DPP10: variants seen among roughly 807,000 people sequenced by gnomAD.
DPP10 encodes dipeptidyl peptidase like 10.
In DPP10, 33 loss-of-function variants were observed where a neutral mutation model predicts 120.9. The observed-to-expected ratio is 0.27, with a 90% CI of 0.21 to 0.37. DPP10 has a LOEUF of 0.37. Among genes scored for constraint, DPP10 ranks in the 10% least tolerant of loss-of-function variants. The pLI, the probability that DPP10 is intolerant of heterozygous loss-of-function variation, is 1.00. For synonymous variants in DPP10, 337 were observed against 326.1 expected (o/e 1.03, Z -0.36); for missense variants, 816 against 942.8 (o/e 0.87, Z 1.76).
chr2:115,478,857 C>T (rs1226426184), intron 3 of DPP10, among the ~76,000 whole-genome samples: 1 of 152,148 alleles, frequency 6.6e-6, no homozygotes, highest in African/African-American at 2.4e-5. Flanking sequence ...TTTGATACCA[C>T]ATCACATTCA....
chr2:114,607,856 A>T (rs1373209015), intron 1 of DPP10, among the ~76,000 whole-genome samples: 1 of 152,236 alleles, frequency 6.6e-6, no homozygotes, highest in African/African-American at 2.4e-5. Context: ...CCACCGCACC[A>T]ACCCCAAACT....
intron 1 of DPP10, among the ~76,000 whole-genome samples, chr2:114,993,964 T>A (rs745579836): frequency 4.2e-4 from 64 of 152,160 alleles, no homozygotes; most frequent in Non-Finnish European, 8.1e-4. Context: ...CGAGTAATGC[T>A]CCCTAATCCT....
rs536762668 is a variant in DPP10 at position 114,957,567 on chromosome 2, A to G, written c.61-351672A>G. Among the ~76,000 whole-genome samples the G allele has an allele frequency of 4.6e-5, 7 of 152,300 alleles. No individual in the cohort carries two copies. In the South Asian group the frequency reaches 1.5e-3, roughly 32 times the overall value. The stretch of plus-strand genomic sequence containing the variant: ...TCAATAAACTAAAAATAGAGCCACC[A>G]TATGATCCAGCCATTTCACCTCTGG... On this transcript the variant is annotated intron_variant, in intron 1 of 25. Transcript: ENST00000410059.
At chr2:114,566,334 C>T (rs1200611140) in intron 1 of DPP10, among the ~76,000 whole-genome samples, 1 of 151,986 alleles carries the variant, frequency 6.6e-6, no homozygotes, top group African/African-American at 2.4e-5. Flanking sequence ...GGCATTATCA[C>T]AGAAAAAGAA....
At chr2:114,699,393 C>T (rs1214956846) in intron 1 of DPP10, among the ~76,000 whole-genome samples, 1 of 152,050 alleles carries the variant, frequency 6.6e-6, no homozygotes, top group Non-Finnish European at 1.5e-5. Context: ...GAAATGTGGG[C>T]ACTTAAGAGA....
At chr2:114,671,164 G>A (rs1329000065) in intron 1 of DPP10, among the ~76,000 whole-genome samples, 1 of 152,114 alleles carries the variant, frequency 6.6e-6, no homozygotes, top group Non-Finnish European at 1.5e-5. Flanking sequence ...CAGTTGGGAA[G>A]AATGTTTTAA....
intron 1 of DPP10, among the ~76,000 whole-genome samples, chr2:114,669,581 A>T (rs797022570): frequency 3.9e-5 from 6 of 152,260 alleles, no homozygotes; most frequent in African/African-American, 1.2e-4. Context: ...AGCAATTTTC[A>T]TGTAAATAAT....
intron 5 of DPP10, among the ~76,000 whole-genome samples, chr2:115,643,866 A>G (rs1473123570): frequency 6.6e-6 from 1 of 152,174 alleles, no homozygotes; most frequent in African/African-American, 2.4e-5. Context: ...AAATCAAACC[A>G]TTGTCTAAAC....
At chr2:114,714,051 G>A (rs1701199416) in intron 1 of DPP10, among the ~76,000 whole-genome samples, 1 of 148,072 alleles carries the variant, frequency 6.8e-6, no homozygotes, top group African/African-American at 2.5e-5. Context: ...CTTTGCATGT[G>A]TTCCTGAGTG....
Position 115,077,466 on chromosome 2 carries a change from A to G in DPP10, c.61-231773A>G, listed in dbSNP as rs551041681. Among the ~76,000 whole-genome samples, 12 of 152,284 alleles carry G rather than the reference A, an allele frequency of 7.9e-5. No individual in the cohort carries two copies. The East Asian group carries it at 2.3e-3, about 29-fold the overall frequency. On this transcript the variant is annotated intron_variant, in intron 1 of 25. Coordinates refer to ENST00000410059, the MANE Select transcript of DPP10 (RefSeq NM_020868.6). ...AACTGGAAAATTAGTCAAAATAGCA[A>G]ATAATTATGTAGCTTCTTCCATCCC...
intron 2 of DPP10, among the ~76,000 whole-genome samples, chr2:115,337,666 A>G (rs2063222919): frequency 6.7e-6 from 1 of 148,510 alleles, no homozygotes; most frequent in South Asian, 2.1e-4. Flanking sequence ...GCTCATAAAA[A>G]AAAAAAAAAA....
At chr2:114,443,647 G>A (rs1677781361) in intron 1 of DPP10, among the ~76,000 whole-genome samples, 1 of 151,034 alleles carries the variant, frequency 6.6e-6, no homozygotes. Context: ...TTATCTATGT[G>A]GATATTTTGC....
At chr2:115,719,163 T>C (rs778345921) in intron 7 of DPP10, among the ~76,000 whole-genome samples, 87 of 152,194 alleles carry the variant, frequency 5.7e-4, no homozygotes, top group Non-Finnish European at 3.8e-4. Flanking sequence ...GAGTTGGTCT[T>C]TTTGCTAACT....
intron 1 of DPP10, among the ~76,000 whole-genome samples, chr2:114,488,871 G>A (rs62173069): frequency 0.023 from 3,557 of 152,188 alleles, 76 homozygotes; most frequent in Non-Finnish European, 0.027. Context: ...TTTATCAGAT[G>A]GTAAAGCTTG....
chr2:115,073,609 C>A (rs1707549726), intron 1 of DPP10, among the ~76,000 whole-genome samples: 1 of 152,222 alleles, frequency 6.6e-6, no homozygotes, highest in South Asian at 2.1e-4. Flanking sequence ...GAGAAAACAG[C>A]CTGTCTAGAA....
At chr2:115,734,032 C>A (rs1490167586) in intron 8 of DPP10, among the ~76,000 whole-genome samples, 1 of 152,138 alleles carries the variant, frequency 6.6e-6, no homozygotes, top group Non-Finnish European at 1.5e-5. Flanking sequence ...TAAGCAAATG[C>A]ATATTAAAGA....
chr2:114,977,387 A>G (rs1213825357), intron 1 of DPP10, among the ~76,000 whole-genome samples: 5 of 152,134 alleles, frequency 3.3e-5, no homozygotes, highest in East Asian at 1.9e-4. Context: ...CATCTTATCT[A>G]GTACCTTTGC....
intron 5 of DPP10, among the ~76,000 whole-genome samples, chr2:115,614,415 G>A (rs766580399): frequency 8.6e-4 from 130 of 151,834 alleles, no homozygotes; most frequent in Non-Finnish European, 1.6e-3. Flanking sequence ...GTTTTATAGG[G>A]GAAGGAATTT....
At chr2:114,986,852 C>T (rs1485952630) in intron 1 of DPP10, among the ~76,000 whole-genome samples, 1 of 152,092 alleles carries the variant, frequency 6.6e-6, no homozygotes, top group Non-Finnish European at 1.5e-5. Context: ...CTCACTGCAA[C>T]CTCCACCTCC....
Sources: gnomAD v4.1 joint callset for allele counts (sites outside exome capture counted in the v4.1 genomes callset) on GRCh38, gnomAD v4.1.1 for gene constraint, MANE v1.5 for transcripts, NCBI Gene and HGNC (gene_info 2026-07-23, HGNC 2026-07-21) for gene names.